Variants in CADPS2 observed in about 807,000 individuals in gnomAD.
The protein encoded by CADPS2 is calcium-dependent secretion activator 2.
A neutral mutation model predicts 172.5 loss-of-function variants in CADPS2; 93 were observed. The observed-to-expected ratio is 0.54, with a 90% confidence interval of 0.46 to 0.64. The LOEUF is 0.64. Ranked by LOEUF, CADPS2 falls within the 30% of genes least tolerant of loss-of-function variation. CADPS2 has a pLI of 0.00. For missense variants in CADPS2, 1,420 were observed against 1,565.9 expected, an observed-to-expected ratio of 0.91 and a Z score of 1.57; for synonymous variants, 546 against 555.2, an observed-to-expected ratio of 0.98 and a Z score of 0.23.
At chr7:122,664,984 A>C (rs1165395122) in intron 2 of CADPS2, among the ~76,000 whole-genome samples, 1 of 143,910 alleles carries the variant, frequency 6.9e-6, no homozygotes, top group African/African-American at 2.6e-5. Context: ...TTTTTTGTAG[A>C]TATGGGGTCT....
intron 2 of CADPS2, among the ~76,000 whole-genome samples, chr7:122,710,627 T>G (rs1034220566): frequency 1.3e-5 from 2 of 152,028 alleles, no homozygotes; most frequent in African/African-American, 4.8e-5. Context: ...AAATGGGCCT[T>G]CCTTCCTCTT....
intron 3 of CADPS2, among the ~76,000 whole-genome samples, chr7:122,634,860 T>C (rs913096081): frequency 3.9e-5 from 6 of 152,190 alleles, no homozygotes; most frequent in Non-Finnish European, 8.8e-5. Context: ...GTCTCTATTT[T>C]CCTTAATTTT....
intron 14 of CADPS2, among the ~76,000 whole-genome samples, chr7:122,455,544 C>T (rs913664184): frequency 1.3e-5 from 2 of 151,704 alleles, no homozygotes; most frequent in Admixed American, 1.3e-4. Flanking sequence ...CACCAGATGG[C>T]ATATTGTTGA....
chr7:122,808,263 G>C (rs4464881), intron 1 of CADPS2, among the ~76,000 whole-genome samples: 29,694 of 152,018 alleles, frequency 0.2, 3,002 homozygotes, highest in Middle Eastern at 0.3. Context: ...CTGCTTCCCT[G>C]GCAACATTCT....
intron 2 of CADPS2, among the ~76,000 whole-genome samples, chr7:122,666,387 A>T (rs1383514168): frequency 3.6e-5 from 5 of 139,568 alleles, no homozygotes; most frequent in Non-Finnish European, 6.0e-5. Flanking sequence ...TCTGTCACCC[A>T]GGCTGGAGTG....
rs2093651242 is a variant in CADPS2 at position 122,769,547 on chromosome 7, C to T, written c.340-32479G>A. Among the ~76,000 whole-genome samples the T allele has an allele frequency of 2.0e-5, 3 of 152,212 alleles. 1 individual carries two copies. The highest frequency in any genetic ancestry group is 4.4e-5 in the Non-Finnish European group (3 of 68,040). On this transcript the variant is annotated intron_variant, in intron 1 of 29. Transcript: ENST00000449022. ...AGCACAGAGCTTAAAACGGAGAATT[C>T]CTCCTCTAAATCATGCTATACACAG...
intron 1 of CADPS2, among the ~76,000 whole-genome samples, chr7:122,749,092 A>G (rs765248641): frequency 6.6e-6 from 1 of 152,070 alleles, no homozygotes; most frequent in Non-Finnish European, 1.5e-5. Flanking sequence ...ATAAACCAAA[A>G]CTGAAGAAGA....
intron 27 of CADPS2, among the ~76,000 whole-genome samples, chr7:122,346,388 A>G (rs1373646077): frequency 6.6e-6 from 1 of 152,120 alleles, no homozygotes; most frequent in African/African-American, 2.4e-5. Context: ...ATGAAACAAA[A>G]TAAAACCAAA....
intron 14 of CADPS2, among the ~76,000 whole-genome samples, chr7:122,461,914 G>C (rs1224745581): frequency 6.6e-6 from 1 of 152,074 alleles, no homozygotes; most frequent in Non-Finnish European, 1.5e-5. Context: ...CTTCTTAATG[G>C]CAACAAAGAA....
At chr7:122,632,387 A>G (rs1052862780) in intron 3 of CADPS2, among the ~76,000 whole-genome samples, 8 of 152,120 alleles carry the variant, frequency 5.3e-5, no homozygotes, top group African/African-American at 1.9e-4. Context: ...TGACTTTTTG[A>G]TAATAGCCAT....
intron 7 of CADPS2, among the ~76,000 whole-genome samples, chr7:122,556,573 T>C (rs1268301133): frequency 6.6e-6 from 1 of 152,184 alleles, no homozygotes; most frequent in Non-Finnish European, 1.5e-5. Flanking sequence ...CAAATGCTGA[T>C]GATGGCTTGC....
intron 1 of CADPS2, among the ~76,000 whole-genome samples, chr7:122,802,205 C>T (rs1297098253): frequency 1.3e-5 from 2 of 151,982 alleles, no homozygotes; most frequent in East Asian, 3.9e-4. Flanking sequence ...TGAAATATCC[C>T]CCTGATTACC....
At chr7:122,831,600 A>G (rs993861714) in intron 1 of CADPS2, among the ~76,000 whole-genome samples, 1 of 152,234 alleles carries the variant, frequency 6.6e-6, no homozygotes, top group African/African-American at 2.4e-5. Context: ...ATTCCTGCCA[A>G]TAGAATTTCA....
chr7:122,665,257 T>C (rs1417699139), intron 2 of CADPS2, among the ~76,000 whole-genome samples: 1 of 152,200 alleles, frequency 6.6e-6, no homozygotes, highest in Non-Finnish European at 1.5e-5. Context: ...GGGGCTGGCA[T>C]GCTCAACCAC....
intron 1 of CADPS2, among the ~76,000 whole-genome samples, chr7:122,836,930 A>C (rs1392432753): frequency 6.6e-6 from 1 of 152,186 alleles, no homozygotes; most frequent in Non-Finnish European, 1.5e-5. Flanking sequence ...AAGCGGACCT[A>C]ATAGACATCT....
intron 9 of CADPS2, among the ~76,000 whole-genome samples, chr7:122,504,892 A>G (rs2130585457): frequency 6.6e-6 from 1 of 152,308 alleles, no homozygotes; most frequent in East Asian, 1.9e-4. Flanking sequence ...CAGCAAAGAA[A>G]GAACACAGTG....
intron 28 of CADPS2, chr7:122,332,059 TATTA>T (rs1229882155): frequency 6.6e-6 from 1 of 152,210 alleles, no homozygotes; most frequent in African/African-American, 2.4e-5. Flanking sequence ...AGAAGGTACC[TATTA>T]ATTATTTCCA....
At chr7:122,576,083 G>A (rs2067999453) in intron 7 of CADPS2, among the ~76,000 whole-genome samples, 1 of 152,096 alleles carries the variant, frequency 6.6e-6, no homozygotes, top group Non-Finnish European at 1.5e-5. Flanking sequence ...GCATTTCGTT[G>A]TCATGTCTCC....
At chr7:122,645,338 C>T (rs2058441) in intron 3 of CADPS2, among the ~76,000 whole-genome samples, 67,019 of 97,650 alleles carry the variant, frequency 0.69, 20,643 homozygotes, top group East Asian at 0.8. Flanking sequence ...TATATACACA[C>T]ATGTACATGT....
Sources: allele counts gnomAD v4.1 joint callset (sites outside exome capture counted in the v4.1 genomes callset), GRCh38; gene constraint gnomAD v4.1.1; transcripts MANE v1.5; gene names NCBI Gene and HGNC (gene_info 2026-07-23, HGNC 2026-07-21).